BMAL1: variants seen among roughly 807,000 people sequenced by gnomAD.
BMAL1 encodes the protein basic helix-loop-helix ARNT like 1.
the BMAL1 span, among the ~76,000 whole-genome samples, chr11:13,288,007 A>G: frequency 6.6e-6 from 1 of 152,190 alleles, no homozygotes; most frequent in African/African-American, 2.4e-5. Flanking sequence ...AGGAGGCTTC[A>G]TAGAACTGGT....
the BMAL1 span, chr11:13,354,705 C>T: frequency 6.4e-3 from 2,807 of 441,534 alleles, 179 homozygotes; most frequent in East Asian, 0.11. Flanking sequence ...AAAAGAACAG[C>T]CTTAAGGCCA....
chr11:13,285,836 G>A, the BMAL1 span, among the ~76,000 whole-genome samples: 6 of 152,234 alleles, frequency 3.9e-5, no homozygotes, highest in Admixed American at 6.5e-5. Flanking sequence ...ATCATACCCT[G>A]CTTAGAAGGC....
the BMAL1 span, chr11:13,372,227 G>GAT: frequency 6.2e-7 from 1 of 1,614,064 alleles, no homozygotes; most frequent in Non-Finnish European, 8.5e-7. Context: ...CACCCACAAA[G>GAT]ATGGGGCTGG....
the BMAL1 span, among the ~76,000 whole-genome samples, chr11:13,284,240 ATATATATATATATATATATATATATATTT>A: frequency 5.7e-4 from 1 of 1,742 alleles, no homozygotes; most frequent in African/African-American, 8.1e-4. Context: ...GTGTGTATAT[ATATATATATATATATATATATATATATTT>A]TTTTTTTTAA....
the BMAL1 span, among the ~76,000 whole-genome samples, chr11:13,299,701 A>C: frequency 6.6e-6 from 1 of 152,212 alleles, no homozygotes; most frequent in East Asian, 1.9e-4. Context: ...CGCAGAGCCC[A>C]TGCTCTCAGG....
At chr11:13,352,217 C>T in the BMAL1 span, among the ~76,000 whole-genome samples, 22,223 of 151,998 alleles carry the variant, frequency 0.15, 2,506 homozygotes, top group African/African-American at 0.31. Flanking sequence ...ACTAAGGAGA[C>T]GATGGAAGTT....
At chr11:13,322,084 C>T in the BMAL1 span, among the ~76,000 whole-genome samples, 1 of 152,158 alleles carries the variant, frequency 6.6e-6, no homozygotes, top group Non-Finnish European at 1.5e-5. Context: ...CATCCTGGCT[C>T]CTGTACTTCC....
chr11:13,332,627 C>T, the BMAL1 span, among the ~76,000 whole-genome samples: 1 of 152,082 alleles, frequency 6.6e-6, no homozygotes, highest in Admixed American at 6.5e-5. Context: ...GGAGGCTGCC[C>T]CAGCTCTGAA....
chr11:13,303,054 C>T, the BMAL1 span, among the ~76,000 whole-genome samples: 11 of 152,154 alleles, frequency 7.2e-5, no homozygotes, highest in East Asian at 1.9e-4. Context: ...AAGGGATTTA[C>T]GTTCGTGATC....
chr11:13,327,022 G>A, the BMAL1 span, among the ~76,000 whole-genome samples: 7 of 151,920 alleles, frequency 4.6e-5, no homozygotes, highest in African/African-American at 1.4e-4. Context: ...GGGTTTCACC[G>A]TGTTAGCCAG....
chr11:13,339,762 T>TGCCTCCTCCCC, the BMAL1 span, among the ~76,000 whole-genome samples: 1 of 152,248 alleles, frequency 6.6e-6, no homozygotes, highest in South Asian at 2.1e-4. Flanking sequence ...GCCTCCCTCC[T>TGCCTCCTCCCC]GTGGTCTGCC....
the BMAL1 span, among the ~76,000 whole-genome samples, chr11:13,312,780 AATT>A: frequency 1.3e-5 from 2 of 152,148 alleles, no homozygotes; most frequent in Non-Finnish European, 2.9e-5. Context: ...TGTACTCACT[AATT>A]ATTTATTGCT....
the BMAL1 span, among the ~76,000 whole-genome samples, chr11:13,281,396 C>T: frequency 6.6e-6 from 1 of 152,326 alleles, no homozygotes; most frequent in East Asian, 1.9e-4. Flanking sequence ...TGCCCTCTGG[C>T]TTCTCTCGCT....
At chr11:13,285,352 G>A in the BMAL1 span, among the ~76,000 whole-genome samples, 1 of 152,204 alleles carries the variant, frequency 6.6e-6, no homozygotes, top group Non-Finnish European at 1.5e-5. Flanking sequence ...TGAGGATACA[G>A]CAGTGAACAA....
At chr11:13,282,307 T>C in the BMAL1 span, among the ~76,000 whole-genome samples, 1 of 152,240 alleles carries the variant, frequency 6.6e-6, no homozygotes, top group East Asian at 1.9e-4. Flanking sequence ...TAGTAGCCCC[T>C]ACATCAGAGA....
At chr11:13,385,460 C>CT in the BMAL1 span, among the ~76,000 whole-genome samples, 17 of 152,190 alleles carry the variant, frequency 1.1e-4, no homozygotes, top group Admixed American at 1.1e-3. Context: ...TTTATTCAGC[C>CT]TTTAAGTTGC....
At chr11:13,354,327 G>A in the BMAL1 span, 1 of 1,611,594 alleles carries the variant, frequency 6.2e-7, no homozygotes, top group East Asian at 2.2e-5. Flanking sequence ...CCAGAGAATG[G>A]ACATTTCTTC....
chr11:13,329,698 C>A, the BMAL1 span, among the ~76,000 whole-genome samples: 2 of 152,204 alleles, frequency 1.3e-5, no homozygotes, highest in African/African-American at 4.8e-5. Context: ...GAGGTCGGGG[C>A]AGTTCCAACT....
At chr11:13,337,173 T>A in the BMAL1 span, among the ~76,000 whole-genome samples, 1 of 152,342 alleles carries the variant, frequency 6.6e-6, no homozygotes, top group South Asian at 2.1e-4. Context: ...TATAAATAAT[T>A]CATGTCCAAT....
Sources: allele counts gnomAD v4.1 joint callset (sites outside exome capture counted in the v4.1 genomes callset), GRCh38; gene constraint gnomAD v4.1.1; transcripts MANE v1.5; gene names NCBI Gene and HGNC (gene_info 2026-07-23, HGNC 2026-07-21).